Variants in KITLG observed in about 807,000 individuals in gnomAD.
The protein encoded by KITLG is KIT ligand.
A neutral mutation model predicts 34.1 loss-of-function variants in KITLG; 13 were observed. That is an observed-to-expected ratio of 0.38 (90% CI 0.25 to 0.61). The LOEUF is 0.61. KITLG is among the 20% of genes least tolerant of loss of function. KITLG has a pLI of 0.60. For synonymous variants in KITLG, 110 were observed against 104.0 expected (o/e 1.06, Z -0.35); for missense variants, 292 against 318.9 (o/e 0.92, Z 0.64).
chr12:88,558,420 G>C (rs1030444170), intron 1 of KITLG, among the ~76,000 whole-genome samples: 2 of 152,070 alleles, frequency 1.3e-5, no homozygotes, highest in African/African-American at 2.4e-5. Flanking sequence ...AAAATGAGTG[G>C]AGCTAGAGAC....
intron 6 of KITLG, among the ~76,000 whole-genome samples, chr12:88,508,080 C>T (rs531314739): frequency 6.6e-6 from 1 of 151,742 alleles, no homozygotes; most frequent in South Asian, 2.1e-4. Flanking sequence ...CCGGCTACTA[C>T]GGAGGCTGAG....
intron 3 of KITLG, among the ~76,000 whole-genome samples, chr12:88,520,255 C>T (rs935079184): frequency 1.2e-4 from 18 of 152,300 alleles, no homozygotes; most frequent in African/African-American, 3.8e-4. Flanking sequence ...CAAGCACATG[C>T]AAGTTCCTAC....
At chr12:88,563,737 G>A (rs1312201589) in intron 1 of KITLG, among the ~76,000 whole-genome samples, 1 of 152,186 alleles carries the variant, frequency 6.6e-6, no homozygotes, top group Non-Finnish European at 1.5e-5. Flanking sequence ...AAGGTGGGCG[G>A]ATCACCTAAG....
At position 88,497,145 on chromosome 12, in the gene KITLG, T is replaced by G. The variant is rs1868671204; in HGVS notation, c.*74A>C. 2.2e-6 allele frequency: 1 copy of G among 449,186 alleles called. No individual in the cohort carries two copies. Among genetic ancestry groups the G allele is most frequent in the Non-Finnish European group, 4.5e-6 (1 of 223,582 alleles). 27.8% of individuals were successfully genotyped at this position (449,186 alleles called of 1,614,324 possible). A position where few individuals can be genotyped will look rare whatever the true frequency, so the allele number is the denominator to read the frequency against. On this transcript the variant is annotated 3_prime_UTR_variant, in exon 10 of 10. Transcript: ENST00000644744. ...GACAGAATATGAATTTGTTTAAAGC[T>G]GCTTCATTTATGAAGCAAACATGAA...
intron 2 of KITLG, among the ~76,000 whole-genome samples, chr12:88,540,066 CATGATGATGACATACCTT>C (rs1212292350): frequency 6.6e-6 from 1 of 152,058 alleles, no homozygotes; most frequent in African/African-American, 2.4e-5. Context: ...TATAATACCT[CATGATGATGACATACCTT>C]ATGATGATGA....
At position 88,507,034 on chromosome 12, in the gene KITLG, G is replaced by T; in HGVS notation, c.708C>A (p.Tyr236Ter). The T allele has an allele frequency of 6.4e-7, 1 of 1,557,368 alleles. No homozygotes were observed. Among genetic ancestry groups the T allele is most frequent in the Non-Finnish European group, 8.9e-7 (1 of 1,128,254 alleles). ...AAGGAATGGTACCACTTACCTTCCA[G>T]TATAAGGCTCCAAAAGCAAAGCCAA... ...LIIGFAFGAL[Y>*]WKKRQPSLTR... is the part of the protein sequence containing the mutation. Residue 236 changes from tyrosine to a stop codon, truncating the protein, a stop_gained, in exon 7 of 10, where the codon TAC becomes TAA. Transcript: ENST00000644744. LOFTEE classifies it high-confidence loss of function.
chr12:88,509,778 T>C (rs1211328547), intron 6 of KITLG, among the ~76,000 whole-genome samples: 1 of 152,156 alleles, frequency 6.6e-6, no homozygotes, highest in Admixed American at 6.5e-5. Context: ...GATACTACTG[T>C]CCCTCTTGCA....
chr12:88,553,796 G>A (rs900208035), intron 1 of KITLG, among the ~76,000 whole-genome samples: 1 of 152,168 alleles, frequency 6.6e-6, no homozygotes, highest in South Asian at 2.1e-4. Context: ...TTCTGGTAGA[G>A]GGAAGTAATA....
intron 9 of KITLG, among the ~76,000 whole-genome samples, chr12:88,497,982 T>C (rs962722787): frequency 3.9e-5 from 6 of 152,244 alleles, no homozygotes; most frequent in African/African-American, 1.2e-4. Flanking sequence ...GCATAGCTTA[T>C]TGTACTTGTT....
At position 88,507,101 on chromosome 12, in the gene KITLG, T is replaced by G. The variant is rs141028405; in HGVS notation, c.641A>C (p.His214Pro). 7 of 1,613,814 alleles carry G rather than the reference T, an allele frequency of 4.3e-6. No homozygotes were observed. The South Asian group carries it at 5.5e-5, about 13-fold the overall frequency. ...AKNPPGDSSL[H>P]WAAMALPALF... ...TGCTGGCAATGCCATGGCTGCCCAG[T>G]GTAGGCTGGAGTCTCCAGGGGGATT... Residue 214 changes from histidine (H) to proline (P), a missense_variant, in exon 7 of 10, where the codon CAC becomes CCC. Coordinates refer to ENST00000644744, the MANE Select transcript of KITLG (RefSeq NM_000899.5).
At chr12:88,562,546 A>T (rs933870485) in intron 1 of KITLG, among the ~76,000 whole-genome samples, 4 of 152,236 alleles carry the variant, frequency 2.6e-5, no homozygotes, top group African/African-American at 9.6e-5. Context: ...TGAATGAGTG[A>T]AGGATAAACA....
chr12:88,522,355 C>T (rs769209645), intron 3 of KITLG, among the ~76,000 whole-genome samples: 2 of 151,534 alleles, frequency 1.3e-5, no homozygotes, highest in Admixed American at 1.3e-4. Context: ...CTGCCTCATT[C>T]AAGAAACTGT....
chr12:88,580,414 T>C lies in KITLG; in HGVS notation c.-136A>G, dbSNP rs1479780028. 7 of 1,025,156 alleles carry C rather than the reference T, an allele frequency of 6.8e-6. No individual in the cohort carries two copies. The Admixed American group carries it at 1.4e-4, about 21-fold the overall frequency. 63.5% of individuals were successfully genotyped at this position (1,025,156 alleles called of 1,614,324 possible). ...TGGGTAGCCCGAGCGCAGCGCCCTC[T>C]CCACTGTCCCTGCTTCCCGCAGCGC... is the stretch of plus-strand genomic sequence containing the variant. On this transcript the variant is annotated 5_prime_UTR_variant, in exon 1 of 10. Coordinates refer to ENST00000644744, the MANE Select transcript of KITLG (RefSeq NM_000899.5).
At chr12:88,507,934 C>A (rs1869126753) in intron 6 of KITLG, among the ~76,000 whole-genome samples, 1 of 152,128 alleles carries the variant, frequency 6.6e-6, no homozygotes, top group Non-Finnish European at 1.5e-5. Context: ...CCCCTGTAAT[C>A]CCAGCACTTT....
intron 1 of KITLG, among the ~76,000 whole-genome samples, chr12:88,566,950 C>T (rs1352947): frequency 0.67 from 102,543 of 152,088 alleles, 38,565 homozygotes; most frequent in Middle Eastern, 0.87. Context: ...GGATCTCCTG[C>T]GCTGTCAGTA....
chr12:88,552,350 CTT>C (rs59304422), intron 1 of KITLG, among the ~76,000 whole-genome samples: 2 of 141,686 alleles, frequency 1.4e-5, no homozygotes, highest in Non-Finnish European at 3.1e-5. Flanking sequence ...TTTTTCTTTT[CTT>C]TTTTTTTTTG....
intron 6 of KITLG, among the ~76,000 whole-genome samples, chr12:88,512,395 G>A (rs1346299702): frequency 5.3e-5 from 8 of 151,976 alleles, no homozygotes; most frequent in Non-Finnish European, 8.8e-5. Context: ...AAACTTCTGC[G>A]ACCTATGACA....
Position 88,538,590 on chromosome 12 carries a change from G to A in KITLG, c.130-6087C>T, listed in dbSNP as rs1870412002. Among the ~76,000 whole-genome samples, 3 of 152,126 alleles carry A rather than the reference G, an allele frequency of 2.0e-5. No individual in the cohort carries two copies. In the South Asian group the frequency reaches 6.2e-4, roughly 32 times the overall value. ...GAAAACAGAGACAGACAAAAGATTA[G>A]AAGACCACTAGGAATTTGAATATAC... On this transcript the variant is annotated intron_variant, in intron 2 of 9. Transcript: ENST00000644744.
chr12:88,510,606 CAAACATAAAACATCTTTT>C (rs976603342), intron 6 of KITLG, among the ~76,000 whole-genome samples: 31 of 152,174 alleles, frequency 2.0e-4, no homozygotes, highest in Non-Finnish European at 1.0e-4. Flanking sequence ...GCAAGAATCT[CAAACATAAAACATCTTTT>C]AAACATTCTC....
Sources: gnomAD v4.1 joint callset for allele counts (sites outside exome capture counted in the v4.1 genomes callset) on GRCh38, gnomAD v4.1.1 for gene constraint, MANE v1.5 for transcripts, NCBI Gene and HGNC (gene_info 2026-07-23, HGNC 2026-07-21) for gene names.